Variants in NTNG1 observed in about 807,000 individuals in gnomAD.
NTNG1 encodes netrin G1, also known as netrin-G1.
In NTNG1, 16 loss-of-function variants were observed where a neutral mutation model predicts 54.0. That is an observed-to-expected ratio of 0.30 (90% CI 0.20 to 0.45). The LOEUF is 0.45. NTNG1 is among the 20% of genes least tolerant of loss of function. NTNG1 has a pLI of 1.00. For synonymous variants in NTNG1, 255 were observed against 263.1 expected, an observed-to-expected ratio of 0.97 and a Z score of 0.30; for missense variants, 530 against 678.7, an observed-to-expected ratio of 0.78 and a Z score of 2.43.
At chr1:107,427,783 C>T (rs1674999493) in intron 5 of NTNG1, among the ~76,000 whole-genome samples, 1 of 152,018 alleles carries the variant, frequency 6.6e-6, no homozygotes, top group African/African-American at 2.4e-5. Flanking sequence ...TAAATTTATA[C>T]TATTGCATGT....
intron 2 of NTNG1, among the ~76,000 whole-genome samples, chr1:107,157,439 T>A (rs912664654): frequency 6.6e-6 from 1 of 152,188 alleles, no homozygotes; most frequent in African/African-American, 2.4e-5. Flanking sequence ...TACCAGCATG[T>A]TATGCAAATA....
At chr1:107,218,414 G>A (rs576710278) in intron 2 of NTNG1, among the ~76,000 whole-genome samples, 10 of 152,204 alleles carry the variant, frequency 6.6e-5, no homozygotes, top group Admixed American at 3.9e-4. Context: ...CTGCCATTCT[G>A]TATCTTTTAA....
chr1:107,434,562 AGCT>A (rs199503772), intron 6 of NTNG1, among the ~76,000 whole-genome samples: 1,585 of 152,350 alleles, frequency 0.01, 10 homozygotes, highest in Non-Finnish European at 0.016. Context: ...AGAGCTCAGC[AGCT>A]GCTGCTAAGC....
intron 7 of NTNG1, among the ~76,000 whole-genome samples, chr1:107,438,659 G>A (rs563354924): frequency 5.6e-4 from 86 of 152,302 alleles, no homozygotes; most frequent in African/African-American, 1.9e-3. Context: ...TGAGGAAGCA[G>A]GACCTAAAGA....
chr1:107,189,591 C>T (rs1441296909), intron 2 of NTNG1, among the ~76,000 whole-genome samples: 1 of 151,894 alleles, frequency 6.6e-6, no homozygotes, highest in Non-Finnish European at 1.5e-5. Flanking sequence ...GAGCATAGCA[C>T]TAGGTTCATA....
At chr1:107,141,890 C>CA (rs928813170) in intron 1 of NTNG1, among the ~76,000 whole-genome samples, 142 of 151,698 alleles carry the variant, frequency 9.4e-4, no homozygotes, top group African/African-American at 2.1e-3. Context: ...GAAAAGCAAA[C>CA]AAAAAAAACA....
At chr1:107,241,805 G>A (rs899846379) in intron 2 of NTNG1, among the ~76,000 whole-genome samples, 5 of 152,100 alleles carry the variant, frequency 3.3e-5, no homozygotes, top group Non-Finnish European at 7.4e-5. Flanking sequence ...AAAAAAGTCG[G>A]GAGGGAGTCA....
chr1:107,367,275 A>AC (rs1553233589), intron 3 of NTNG1, among the ~76,000 whole-genome samples: 2 of 151,596 alleles, frequency 1.3e-5, no homozygotes, highest in East Asian at 3.9e-4. Context: ...CCTGAAATTG[A>AC]TTTTTTTTTA....
At chr1:107,290,063 A>G (rs1009316569) in intron 2 of NTNG1, among the ~76,000 whole-genome samples, 1 of 152,162 alleles carries the variant, frequency 6.6e-6, no homozygotes, top group African/African-American at 2.4e-5. Context: ...TGCCATATGT[A>G]TTTAATTTTT....
chr1:107,426,030 G>T lies in NTNG1; in HGVS notation c.1088-4720G>T, dbSNP rs1674889274. On this transcript the variant is annotated intron_variant, in intron 5 of 7. Coordinates refer to ENST00000370068, the MANE Select transcript of NTNG1 (RefSeq NM_001113226.3). ...GTCCCAGTTTTTAATGGGGTTGTTTGTTTTATTCTTGTTGAGTTATCTGAG... is the reference window on the plus strand; with the variant it reads ...GTCCCAGTTTTTAATGGGGTTGTTTTTTTTATTCTTGTTGAGTTATCTGAG... Among the ~76,000 whole-genome samples, 3 of 152,014 alleles carry T rather than the reference G, an allele frequency of 2.0e-5. No individual in the cohort carries two copies. The South Asian group carries it at 6.2e-4, about 32-fold the overall frequency.
At chr1:107,425,195 A>AAAAT (rs1442303923) in intron 5 of NTNG1, among the ~76,000 whole-genome samples, 1 of 152,094 alleles carries the variant, frequency 6.6e-6, no homozygotes, top group African/African-American at 2.4e-5. Flanking sequence ...ATTAAAAAAA[A>AAAAT]AAATTAGATT....
At chr1:107,477,293 T>A (rs952430170) in intron 7 of NTNG1, among the ~76,000 whole-genome samples, 1 of 152,170 alleles carries the variant, frequency 6.6e-6, no homozygotes, top group East Asian at 1.9e-4. Flanking sequence ...AAGCTGGTTA[T>A]GAATAAAGCT....
intron 1 of NTNG1, among the ~76,000 whole-genome samples, chr1:107,145,439 G>A (rs1654033521): frequency 6.6e-6 from 1 of 151,862 alleles, no homozygotes; most frequent in African/African-American, 2.4e-5. Flanking sequence ...CATAACAATA[G>A]TACAAATATA....
At chr1:107,367,613 AAAAT>A (rs1051642365) in intron 3 of NTNG1, among the ~76,000 whole-genome samples, 1 of 152,144 alleles carries the variant, frequency 6.6e-6, no homozygotes, top group Non-Finnish European at 1.5e-5. Context: ...ATTTTACCAC[AAAAT>A]AAATAAATAA....
In NTNG1 at chr1:107,436,788, A is replaced by G. The variant is rs945697771; in HGVS notation, c.1379A>G (p.Tyr460Cys). 4 of 1,613,158 alleles carry G rather than the reference A, an allele frequency of 2.5e-6. No homozygotes were observed. The African/African-American group carries it at 5.3e-5, about 22-fold the overall frequency. Residue 460 changes from tyrosine to cysteine, a missense_variant, in exon 7 of 8, where the codon TAC (tyrosine) becomes TGC (cysteine). This residue lies in a region of NTNG1 where 212 missense variants were observed against 213.6 expected (regional missense o/e 0.99). Coordinates refer to ENST00000370068, the MANE Select transcript of NTNG1 (RefSeq NM_001113226.3). Reference sequence around the variant, plus strand: ...TGTCTGCCGGGAAATTCCTGGCACTACGGCTGTCAACGTAAGTAACTCTGG... The same window carrying G: ...TGTCTGCCGGGAAATTCCTGGCACTGCGGCTGTCAACGTAAGTAACTCTGG... Reference protein sequence around the residue: ...DECLPGNSWHYGCQPNVCDNE... With the variant: ...DECLPGNSWHCGCQPNVCDNE...
intron 4 of NTNG1, among the ~76,000 whole-genome samples, chr1:107,400,098 A>G (rs981488433): frequency 7.2e-5 from 11 of 152,288 alleles, no homozygotes; most frequent in African/African-American, 2.6e-4. Flanking sequence ...ATAAATTCAG[A>G]AAAATTTTTC....
chr1:107,192,060 G>A (rs897290596), intron 2 of NTNG1, among the ~76,000 whole-genome samples: 5 of 152,146 alleles, frequency 3.3e-5, no homozygotes, highest in Admixed American at 6.6e-5. Context: ...CAACCCATGA[G>A]CATGGAATGT....
At chr1:107,358,336 T>C (rs1387955594) in intron 3 of NTNG1, among the ~76,000 whole-genome samples, 2 of 151,842 alleles carry the variant, frequency 1.3e-5, no homozygotes, top group Admixed American at 6.6e-5. Flanking sequence ...GGAAAATAGA[T>C]GGGCATGAGG....
chr1:107,394,018 CACACACACACACATAA>C (rs1422752607), intron 3 of NTNG1, among the ~76,000 whole-genome samples: 1 of 151,338 alleles, frequency 6.6e-6, no homozygotes, highest in Non-Finnish European at 1.5e-5. Flanking sequence ...GTTTCTCTCT[CACACACACACACATAA>C]ACACACACAC....
Sources: allele counts gnomAD v4.1 joint callset (sites outside exome capture counted in the v4.1 genomes callset), GRCh38; gene constraint gnomAD v4.1.1; regional missense constraint gnomAD v4.1.1; transcripts MANE v1.5; gene names NCBI Gene and HGNC (gene_info 2026-07-23, HGNC 2026-07-21).